TASP1: variants seen among roughly 807,000 people sequenced by gnomAD.
The protein encoded by TASP1 is taspase 1, also known as threonine aspartase 1.
Under a neutral mutation model 56.6 loss-of-function variants are expected in TASP1, and 16 were observed. That is an observed-to-expected ratio of 0.28 (90% CI 0.19 to 0.43). TASP1 has a LOEUF of 0.43. TASP1 is among the 20% of genes least tolerant of loss of function. The pLI, the probability that TASP1 is intolerant of heterozygous loss-of-function variation, is 1.00. For synonymous variants in TASP1, 179 were observed against 184.2 expected (o/e 0.97, Z 0.23); for missense variants, 393 against 511.6 (o/e 0.77, Z 2.24).
At chr20:13,251,918 A>G in the TASP1 span, among the ~76,000 whole-genome samples, 38,957 of 151,976 alleles carry the variant, frequency 0.26, 5,115 homozygotes, top group African/African-American at 0.33. Context: ...GTCAATCTGT[A>G]TATCTGCAGA....
At position 13,620,749 on chromosome 20, in the gene TASP1, C is replaced by A. The variant is rs192063597; in HGVS notation, c.282+2697G>T. Reference sequence around the variant, plus strand: ...AATTAAATATAACACATTGTTAATACAGCTCTCCAGAATTTTTCTCAGCAC... The same window carrying A: ...AATTAAATATAACACATTGTTAATAAAGCTCTCCAGAATTTTTCTCAGCAC... On this transcript the variant is annotated intron_variant, in intron 4 of 13. Transcript: ENST00000337743. Among the ~76,000 whole-genome samples the A allele has an allele frequency of 3.7e-3, 563 of 152,276 alleles. 3 individuals carry two copies. The highest frequency in any genetic ancestry group is 0.012 in the East Asian group (61 of 5,190).
chr20:13,451,151 G>A (rs1454269911), intron 11 of TASP1, among the ~76,000 whole-genome samples: 1 of 152,080 alleles, frequency 6.6e-6, no homozygotes, highest in Non-Finnish European at 1.5e-5. Context: ...AGTAAACTGT[G>A]CTGTAAACAG....
intron 8 of TASP1, among the ~76,000 whole-genome samples, chr20:13,552,334 C>T (rs960027957): frequency 7.9e-5 from 12 of 152,192 alleles, no homozygotes; most frequent in Admixed American, 5.2e-4. Context: ...CAGGTGGAAA[C>T]GTTGCCTCTC....
chr20:13,537,964 C>T (rs2045476559), intron 8 of TASP1, among the ~76,000 whole-genome samples: 1 of 151,732 alleles, frequency 6.6e-6, no homozygotes, highest in Non-Finnish European at 1.5e-5. Flanking sequence ...TTCTAATCTG[C>T]ACTCTCTGAA....
the TASP1 span, among the ~76,000 whole-genome samples, chr20:13,276,274 T>C: frequency 6.6e-6 from 1 of 152,204 alleles, no homozygotes; most frequent in Non-Finnish European, 1.5e-5. Flanking sequence ...TTGAAGAGCA[T>C]GGCCTCTGTA....
the TASP1 span, among the ~76,000 whole-genome samples, chr20:13,226,613 T>C: frequency 1.3e-5 from 2 of 152,238 alleles, no homozygotes; most frequent in African/African-American, 4.8e-5. Context: ...ATCTGTTGGC[T>C]TCATGTGGGC....
chr20:13,105,488 C>A, the TASP1 span, among the ~76,000 whole-genome samples: 23 of 151,986 alleles, frequency 1.5e-4, no homozygotes, highest in Non-Finnish European at 2.8e-4. Context: ...TCATGTCTTG[C>A]GTGTTATTTT....
At chr20:13,625,126 G>T in intron 3 of TASP1, 59 bp downstream of exon 3, 1 of 1,257,430 alleles carries the variant, frequency 8.0e-7, no homozygotes. Context: ...TGAATTTCAA[G>T]GTAAAACTGC....
the TASP1 span, among the ~76,000 whole-genome samples, chr20:13,234,363 T>A: frequency 6.6e-6 from 1 of 152,230 alleles, no homozygotes; most frequent in African/African-American, 2.4e-5. Context: ...TGATGGACAT[T>A]TAGGTTGATT....
the TASP1 span, among the ~76,000 whole-genome samples, chr20:13,157,059 C>T: frequency 6.6e-6 from 1 of 152,064 alleles, no homozygotes; most frequent in South Asian, 2.1e-4. Flanking sequence ...CTAAGTAAGG[C>T]TATTAGACCT....
chr20:13,593,057 G>A (rs976961487), intron 4 of TASP1, among the ~76,000 whole-genome samples: 2 of 152,102 alleles, frequency 1.3e-5, no homozygotes, highest in Non-Finnish European at 2.9e-5. Flanking sequence ...AATACTTGCT[G>A]CAAAAACATC....
At chr20:13,500,024 G>A (rs2043885991) in intron 10 of TASP1, among the ~76,000 whole-genome samples, 1 of 151,708 alleles carries the variant, frequency 6.6e-6, no homozygotes, top group African/African-American at 2.4e-5. Context: ...ATTACCTACT[G>A]GGTAGAGTGT....
At chr20:13,122,838 A>C in the TASP1 span, among the ~76,000 whole-genome samples, 3 of 152,088 alleles carry the variant, frequency 2.0e-5, no homozygotes, top group South Asian at 6.2e-4. Flanking sequence ...ACCCCTCCCC[A>C]TAAGGATGGA....
At chr20:13,173,448 A>G in the TASP1 span, among the ~76,000 whole-genome samples, 1 of 152,128 alleles carries the variant, frequency 6.6e-6, no homozygotes, top group Non-Finnish European at 1.5e-5. Context: ...GTATGGATGC[A>G]CTCACCTAGT....
the TASP1 span, among the ~76,000 whole-genome samples, chr20:13,161,321 T>C: frequency 6.6e-6 from 1 of 152,170 alleles, no homozygotes; most frequent in Admixed American, 6.5e-5. Flanking sequence ...CCTAGACATG[T>C]TGAGACTATG....
chr20:13,200,619 T>C, the TASP1 span, among the ~76,000 whole-genome samples: 528 of 152,344 alleles, frequency 3.5e-3, 5 homozygotes, highest in African/African-American at 0.012. Context: ...TCCACTTGAC[T>C]TAATTTATCT....
At chr20:13,632,346 C>CA (rs2049124930) in intron 1 of TASP1, among the ~76,000 whole-genome samples, 1 of 119,508 alleles carries the variant, frequency 8.4e-6, no homozygotes, top group Non-Finnish European at 1.6e-5. Flanking sequence ...GCCTGGGCTA[C>CA]AGAGCAAGAC....
chr20:13,503,419 T>TA (rs1418665600), intron 10 of TASP1, among the ~76,000 whole-genome samples: 7 of 151,778 alleles, frequency 4.6e-5, no homozygotes, highest in African/African-American at 9.7e-5. Flanking sequence ...GGAATAGGCG[T>TA]AAAAAAAAGG....
At chr20:13,429,387 TG>T (rs2042724596) in intron 12 of TASP1, among the ~76,000 whole-genome samples, 1 of 151,902 alleles carries the variant, frequency 6.6e-6, no homozygotes, top group African/African-American at 2.4e-5. Flanking sequence ...TGATGTGGAG[TG>T]GCCAGAGTTG....
Sources: allele counts gnomAD v4.1 joint callset (sites outside exome capture counted in the v4.1 genomes callset), GRCh38; gene constraint gnomAD v4.1.1; transcripts MANE v1.5; gene names NCBI Gene and HGNC (gene_info 2026-07-23, HGNC 2026-07-21).